The following ZFP90 variants were observed in gnomAD, a reference collection of about 807,000 sequenced individuals.
The protein encoded by ZFP90 is ZFP90 zinc finger protein.
ZFP90 carries 38 observed loss-of-function variants against 60.8 expected under a neutral mutation model. That is an observed-to-expected ratio of 0.62 (90% CI 0.48 to 0.82). The LOEUF (loss-of-function observed/expected upper bound fraction) is 0.82, where lower values mean the gene tolerates loss of function less well. Ranked by LOEUF, ZFP90 falls within the 40% of genes least tolerant of loss-of-function variation. The pLI, the probability that ZFP90 is intolerant of heterozygous loss-of-function variation, is 0.00. For synonymous variants in ZFP90, 287 were observed against 264.8 expected, an observed-to-expected ratio of 1.08 and a Z score of -0.82; for missense variants, 711 against 759.1, an observed-to-expected ratio of 0.94 and a Z score of 0.74.
intron 2 of ZFP90, among the ~76,000 whole-genome samples, chr16:68,543,572 T>C (rs1020394053): frequency 3.3e-5 from 5 of 151,880 alleles, no homozygotes; most frequent in African/African-American, 1.2e-4. Context: ...TTTTCTTTTT[T>C]TTTTTTTGAG....
downstream of ZFP90, among the ~76,000 whole-genome samples, chr16:68,570,091 C>T (rs2091560041): frequency 6.6e-6 from 1 of 151,656 alleles, no homozygotes; most frequent in South Asian, 2.1e-4. Flanking sequence ...CTCTCCCTAC[C>T]TACCACTCCA....
chr16:68,547,836 CTTTT>C (rs1555498464), intron 2 of ZFP90, among the ~76,000 whole-genome samples: 1 of 136,002 alleles, frequency 7.4e-6, no homozygotes. Flanking sequence ...GTTGATCTCT[CTTTT>C]TTTTTTTTTT....
intron 4 of ZFP90, among the ~76,000 whole-genome samples, chr16:68,559,955 A>G (rs2091411786): frequency 6.7e-6 from 1 of 149,658 alleles, no homozygotes; most frequent in Non-Finnish European, 1.5e-5. Context: ...TGCAGCCTTG[A>G]CCTCCTGGGC....
intron 2 of ZFP90, among the ~76,000 whole-genome samples, chr16:68,549,144 G>A (rs893654142): frequency 2.6e-5 from 4 of 152,114 alleles, no homozygotes; most frequent in African/African-American, 7.2e-5. Context: ...CTCTGGGGTG[G>A]TGACAAGGCT....
At chr16:68,541,758 C>T (rs376767085) in intron 2 of ZFP90, among the ~76,000 whole-genome samples, 10 of 152,244 alleles carry the variant, frequency 6.6e-5, no homozygotes, top group African/African-American at 1.2e-4. Flanking sequence ...TGCAAAGTAT[C>T]CTCCATAGGC....
upstream of ZFP90, chr16:68,535,487 C>G (rs1454114526): frequency 6.6e-6 from 1 of 152,032 alleles, no homozygotes; most frequent in African/African-American, 2.4e-5. Flanking sequence ...GCTCTTGTGC[C>G]TACAGGACTA....
intron 2 of ZFP90, chr16:68,573,873 C>T (rs1212109402): frequency 6.6e-6 from 1 of 152,340 alleles, no homozygotes; most frequent in Non-Finnish European, 1.5e-5. Flanking sequence ...CTCACTTCCA[C>T]TTCTGGGCTG....
At chr16:68,547,323 C>G (rs2091169313) in intron 2 of ZFP90, among the ~76,000 whole-genome samples, 1 of 152,180 alleles carries the variant, frequency 6.6e-6, no homozygotes, top group Non-Finnish European at 1.5e-5. Flanking sequence ...GGTGATATCT[C>G]ATTGTAGTTT....
chr16:68,540,641 T>G (rs1336142868), intron 2 of ZFP90, among the ~76,000 whole-genome samples: 3 of 151,986 alleles, frequency 2.0e-5, no homozygotes, highest in Non-Finnish European at 4.4e-5. Context: ...CAGATTGTAG[T>G]TGCTAGGTGT....
At chr16:68,536,061 A>G (rs1436432843), upstream of ZFP90, among the ~76,000 whole-genome samples, 1 of 152,194 alleles carries the variant, frequency 6.6e-6, no homozygotes, top group East Asian at 1.9e-4. Context: ...CCTGGGGGCT[A>G]AAAGCCCAAT....
chr16:68,545,617 A>C (rs1295461839), intron 2 of ZFP90, among the ~76,000 whole-genome samples: 4 of 149,804 alleles, frequency 2.7e-5, no homozygotes, highest in Non-Finnish European at 5.9e-5. Context: ...GATCGAGACC[A>C]TCCTGGCTAA....
At chr16:68,542,348 T>C (rs2091065539) in intron 2 of ZFP90, among the ~76,000 whole-genome samples, 1 of 152,070 alleles carries the variant, frequency 6.6e-6, no homozygotes, top group Non-Finnish European at 1.5e-5. Context: ...CCCAGCACTT[T>C]GGGAGGCGGA....
intron 2 of ZFP90, among the ~76,000 whole-genome samples, chr16:68,541,521 A>G (rs986238060): frequency 4.6e-5 from 7 of 151,980 alleles, no homozygotes; most frequent in African/African-American, 1.7e-4. Flanking sequence ...GGGTTTCACC[A>G]TGTTGGCCAG....
chr16:68,555,619 A>G (rs1001064522), intron 2 of ZFP90, among the ~76,000 whole-genome samples: 1 of 152,220 alleles, frequency 6.6e-6, no homozygotes, highest in African/African-American at 2.4e-5. Context: ...CCCTGCCCTC[A>G]TAATGTGTAC....
rs375917358 is a variant in ZFP90 at position 68,563,423 on chromosome 16, G to C, written c.636G>C (p.Lys212Asn). ...TTCTTGCAAAAAAGAAACCCTATAA[G>C]TGTGATAAATGTAGAAAAGCCTTTA... ...NNILAKKKPY[K>N]CDKCRKAFIH... Residue 212 changes from lysine to asparagine, a missense_variant, in exon 5 of 5, where the codon AAG becomes AAC. Lys to Asn is a moderately conservative substitution (Grantham distance 94). Coordinates refer to ENST00000563169, the MANE Select transcript of ZFP90 (RefSeq NM_001305203.2). 8 of 1,613,130 alleles carry C rather than the reference G, an allele frequency of 5.0e-6. No homozygotes were observed. The African/African-American group carries it at 1.1e-4, about 22-fold the overall frequency.
Position 68,558,453 on chromosome 16 carries a change from G to A in ZFP90, c.161-20G>A. The A allele has an allele frequency of 2.5e-6, 4 of 1,610,020 alleles. No individual in the cohort carries two copies. The highest frequency in any genetic ancestry group is 3.4e-6 in the Non-Finnish European group (4 of 1,176,668). On this transcript the variant is annotated intron_variant, in intron 3 of 4. Coordinates refer to ENST00000563169, the MANE Select transcript of ZFP90 (RefSeq NM_001305203.2). The stretch of plus-strand genomic sequence containing the variant: ...CCACTTGCACAAACAACCAAATCTT[G>A]TGTATTTACCCATGAGCAGGATATC...
chr16:68,536,620 C>T (rs544884293), upstream of ZFP90, among the ~76,000 whole-genome samples: 2 of 152,084 alleles, frequency 1.3e-5, no homozygotes, highest in African/African-American at 2.4e-5. Flanking sequence ...TTTTCTTTCC[C>T]GTCATACTCT....
At chr16:68,544,120 C>T (rs2091102834) in intron 2 of ZFP90, among the ~76,000 whole-genome samples, 1 of 152,212 alleles carries the variant, frequency 6.6e-6, no homozygotes, top group Non-Finnish European at 1.5e-5. Flanking sequence ...TCCCAAAATG[C>T]TGGGATTACA....
rs2091538800 is a variant in ZFP90 at position 68,567,006 on chromosome 16, A to G, written c.*2308A>G. On this transcript the variant is annotated 3_prime_UTR_variant, in exon 5 of 5. Coordinates refer to ENST00000563169, the MANE Select transcript of ZFP90 (RefSeq NM_001305203.2). ...AGGACATATGTGTGGCTCATTGACC[A>G]GAAGGCTTTCTTAGTCCCAACAGCC... 3 of 985,626 alleles carry G rather than the reference A, an allele frequency of 3.0e-6. No homozygotes were observed. Among genetic ancestry groups the G allele is most frequent in the South Asian group, 9.4e-5 (2 of 21,290 alleles). 61.1% of individuals were successfully genotyped at this position (985,626 alleles called of 1,614,324 possible). A position where few individuals can be genotyped will look rare whatever the true frequency, so the allele number is the denominator to read the frequency against.
Sources: allele counts gnomAD v4.1 joint callset (sites outside exome capture counted in the v4.1 genomes callset), GRCh38; gene constraint gnomAD v4.1.1; transcripts MANE v1.5; gene names NCBI Gene and HGNC (gene_info 2026-07-23, HGNC 2026-07-21).